DMRT1: variants seen among roughly 807,000 people sequenced by gnomAD.
DMRT1 encodes doublesex and mab-3 related transcription factor 1.
In DMRT1, 7 loss-of-function variants were observed where a neutral mutation model predicts 32.3. That is an observed-to-expected ratio of 0.22 (90% CI 0.12 to 0.41). The LOEUF (loss-of-function observed/expected upper bound fraction) is 0.41. DMRT1 is among the 10% of genes least tolerant of loss of function. DMRT1 has a pLI of 1.00. For missense variants in DMRT1, 625 were observed against 500.5 expected, an observed-to-expected ratio of 1.25 and a Z score of -2.37; for synonymous variants, 278 against 206.1, an observed-to-expected ratio of 1.35 and a Z score of -2.99.
chr9:858,847 C>T, intron 2 of DMRT1, among the ~76,000 whole-genome samples: 1 of 73,494 alleles, frequency 1.4e-5, no homozygotes. Flanking sequence ...GCACTCCAGT[C>T]TGTCTCAAAA....
At chr9:847,282 A>G in intron 2 of DMRT1, 139 bp downstream of exon 2, 1 of 929,204 alleles carries the variant, frequency 1.1e-6, no homozygotes, top group African/African-American at 1.7e-5. Context: ...CTCCCTGTGA[A>G]GGGCTGTTTG....
chr9:934,995 C>G (rs1226258700), intron 4 of DMRT1, among the ~76,000 whole-genome samples: 1 of 152,152 alleles, frequency 6.6e-6, no homozygotes, highest in Non-Finnish European at 1.5e-5. Context: ...ATCTTTCCTA[C>G]AGTTCTGAAA....
chr9:916,429 C>A (rs1333449241), intron 3 of DMRT1, among the ~76,000 whole-genome samples: 1 of 151,832 alleles, frequency 6.6e-6, no homozygotes, highest in East Asian at 1.9e-4. Context: ...TGCAGTAGTG[C>A]AAGCAGCCAC....
chr9:956,485 G>GC lies in DMRT1; in HGVS notation c.968-11497dup, dbSNP rs1819603832. Among the ~76,000 whole-genome samples, 4 of 151,490 alleles carry GC rather than the reference G, an allele frequency of 2.6e-5. No homozygotes were observed. The South Asian group carries it at 6.3e-4, about 24-fold the overall frequency. On this transcript the variant is annotated intron_variant, in intron 4 of 4. Coordinates refer to ENST00000382276, the MANE Select transcript of DMRT1 (RefSeq NM_021951.3). Reference sequence around the variant, plus strand: ...AAGCTGAGGCAAGAGGATCACCTGAGCCCAGAAGTTTGAGGCTGCAGTGAG... The same window carrying GC: ...AAGCTGAGGCAAGAGGATCACCTGAGCCCCAGAAGTTTGAGGCTGCAGTGAG...
chr9:892,725 AGT>A (rs1817201100), intron 2 of DMRT1, among the ~76,000 whole-genome samples: 1 of 152,122 alleles, frequency 6.6e-6, no homozygotes, highest in Non-Finnish European at 1.5e-5. Context: ...CTCAGAACTC[AGT>A]GGTTCCCATT....
chr9:863,649 C>A (rs550111554), intron 2 of DMRT1, among the ~76,000 whole-genome samples: 1 of 152,160 alleles, frequency 6.6e-6, no homozygotes, highest in Non-Finnish European at 1.5e-5. Context: ...CCCACAGACA[C>A]CTTGACAGAG....
chr9:957,647 G>T (rs577488082), intron 4 of DMRT1, among the ~76,000 whole-genome samples: 294 of 152,284 alleles, frequency 1.9e-3, no homozygotes, highest in Non-Finnish European at 3.2e-3. Context: ...GTTCAATCTT[G>T]ATTGTTTTTC....
chr9:952,595 T>C (rs531973492), intron 4 of DMRT1, among the ~76,000 whole-genome samples: 8 of 152,328 alleles, frequency 5.3e-5, no homozygotes, highest in Non-Finnish European at 1.0e-4. Flanking sequence ...AGATTACTTA[T>C]GCTTGAAGGA....
intron 3 of DMRT1, among the ~76,000 whole-genome samples, chr9:900,376 C>G (rs1053019520): frequency 6.6e-6 from 1 of 152,102 alleles, no homozygotes; most frequent in African/African-American, 2.4e-5. Flanking sequence ...CACTGCCCCC[C>G]CTTTTTTTGT....
intron 3 of DMRT1, among the ~76,000 whole-genome samples, chr9:898,632 G>A (rs964763295): frequency 5.3e-5 from 8 of 152,148 alleles, no homozygotes; most frequent in African/African-American, 1.7e-4. Context: ...GTGCCCCACC[G>A]CTGCACTTGG....
At chr9:942,874 G>T (rs1187890298) in intron 4 of DMRT1, among the ~76,000 whole-genome samples, 2 of 151,580 alleles carry the variant, frequency 1.3e-5, no homozygotes, top group Non-Finnish European at 2.9e-5. Context: ...AAAAAACACT[G>T]GGGTGTTATT....
chr9:874,047 G>A (rs899063515), intron 2 of DMRT1, among the ~76,000 whole-genome samples: 1 of 152,176 alleles, frequency 6.6e-6, no homozygotes, highest in Non-Finnish European at 1.5e-5. Context: ...AAGATTAAAC[G>A]AGGAAACAAA....
chr9:851,028 CAAA>C (rs869227462), intron 2 of DMRT1, among the ~76,000 whole-genome samples: 3 of 94,808 alleles, frequency 3.2e-5, no homozygotes, highest in Non-Finnish European at 5.8e-5. Flanking sequence ...GACTCTATCT[CAAA>C]AAAAAAAAAA....
At chr9:915,016 T>A (rs987982826) in intron 3 of DMRT1, among the ~76,000 whole-genome samples, 2 of 152,344 alleles carry the variant, frequency 1.3e-5, no homozygotes, top group East Asian at 1.9e-4. Context: ...TTAGTGCTAT[T>A]TTCTTTTTCA....
At chr9:905,488 C>CTGTG (rs57056050) in intron 3 of DMRT1, among the ~76,000 whole-genome samples, 3,071 of 147,732 alleles carry the variant, frequency 0.021, 49 homozygotes, top group African/African-American at 0.044. Context: ...GTGTGTGTGT[C>CTGTG]TGTGTGTGTG....
chr9:871,338 CTT>C (rs1370831436), intron 2 of DMRT1, among the ~76,000 whole-genome samples: 3 of 137,394 alleles, frequency 2.2e-5, no homozygotes, highest in South Asian at 2.4e-4. Flanking sequence ...TCTTTGAACT[CTT>C]TTTTTTTTTT....
chr9:842,005 C>T lies in DMRT1; in HGVS notation c.167C>T (p.Ser56Phe), dbSNP rs1179734708. The change falls in exon 1 of 5, where the codon TCC becomes TTC. Residue 56 changes from serine to phenylalanine, a missense_variant. Physicochemically the swap from Ser to Phe is radical, Grantham distance 155. This residue lies in a region of DMRT1 where 201 missense variants were observed against 152.0 expected (regional missense o/e 1.32). Coordinates refer to ENST00000382276, the MANE Select transcript of DMRT1 (RefSeq NM_021951.3). The part of the protein sequence containing the change: ...SAGGSSRGGG[S>F]GSGASDLGAG... Reference sequence around the variant, plus strand: ...GGGGGCAGCAGCAGAGGAGGCGGCTCCGGCTCCGGGGCGTCGGACCTGGGT... The same window carrying T: ...GGGGGCAGCAGCAGAGGAGGCGGCTTCGGCTCCGGGGCGTCGGACCTGGGT... The T allele has an allele frequency of 2.6e-6, 4 of 1,557,788 alleles. No individual in the cohort carries two copies. Among genetic ancestry groups the T allele is most frequent in the Non-Finnish European group, 2.6e-6 (3 of 1,153,272 alleles).
At chr9:869,059 G>A (rs1247787462) in intron 2 of DMRT1, among the ~76,000 whole-genome samples, 2 of 152,136 alleles carry the variant, frequency 1.3e-5, no homozygotes, top group Non-Finnish European at 2.9e-5. Flanking sequence ...TATATTAGCA[G>A]CTTTTTTCTT....
chr9:919,820 G>A (rs1296686688), intron 4 of DMRT1, among the ~76,000 whole-genome samples: 2 of 152,106 alleles, frequency 1.3e-5, no homozygotes, highest in South Asian at 2.1e-4. Flanking sequence ...CAGTGATGAC[G>A]GGTGGTCGAA....
Sources: gnomAD v4.1 joint callset for allele counts (sites outside exome capture counted in the v4.1 genomes callset) on GRCh38, gnomAD v4.1.1 for gene constraint, gnomAD v4.1.1 regional missense constraint, MANE v1.5 for transcripts, NCBI Gene and HGNC (gene_info 2026-07-23, HGNC 2026-07-21) for gene names.